ASTN2: variants seen among roughly 807,000 people sequenced by gnomAD.
ASTN2 encodes astrotactin-2.
A neutral mutation model predicts 139.8 loss-of-function variants in ASTN2; 54 were observed. The observed-to-expected ratio is 0.39, with a 90% CI of 0.31 to 0.48. ASTN2 has a LOEUF of 0.48. Ranked by LOEUF, ASTN2 falls within the 20% of genes least tolerant of loss-of-function variation. The pLI, the probability that ASTN2 is intolerant of heterozygous loss-of-function variation, is 0.95. For missense variants in ASTN2, 1,565 were observed against 1,725.1 expected (o/e 0.91, Z 1.64); for synonymous variants, 756 against 719.5 (o/e 1.05, Z -0.81).
At chr9:117,003,946 G>A (rs867938924) in intron 7 of ASTN2, among the ~76,000 whole-genome samples, 58 of 139,956 alleles carry the variant, frequency 4.1e-4, no homozygotes, top group African/African-American at 1.2e-3. Context: ...TTTCACGCGC[G>A]CGCGCGCGTG....
intron 20 of ASTN2, among the ~76,000 whole-genome samples, chr9:116,472,316 C>T (rs570806237): frequency 2.6e-5 from 4 of 152,276 alleles, no homozygotes; most frequent in Middle Eastern, 3.4e-3. Context: ...ATAACTTCCC[C>T]AGTTCTAAGT....
intron 1 of ASTN2, among the ~76,000 whole-genome samples, chr9:117,376,535 T>C (rs1830128364): frequency 6.6e-6 from 1 of 152,172 alleles, no homozygotes; most frequent in Admixed American, 6.5e-5. Context: ...AAGAAATATT[T>C]AGGGGTTAGC....
intron 3 of ASTN2, among the ~76,000 whole-genome samples, chr9:117,186,212 T>C (rs1311755429): frequency 6.6e-6 from 1 of 152,192 alleles, no homozygotes; most frequent in African/African-American, 2.4e-5. Context: ...TCACACAACT[T>C]GGCCCATATA....
intron 6 of ASTN2, among the ~76,000 whole-genome samples, chr9:117,022,673 C>A (rs1221985896): frequency 6.6e-6 from 1 of 152,106 alleles, no homozygotes; most frequent in Non-Finnish European, 1.5e-5. Context: ...CAAATTTATT[C>A]ATCCTTTGAA....
intron 5 of ASTN2, among the ~76,000 whole-genome samples, chr9:117,043,005 G>A (rs549275971): frequency 6.6e-6 from 1 of 152,058 alleles, no homozygotes; most frequent in Non-Finnish European, 1.5e-5. Flanking sequence ...CAAGTAGCTA[G>A]GGTTATAGGC....
intron 19 of ASTN2, among the ~76,000 whole-genome samples, chr9:116,501,544 G>A (rs1311881987): frequency 1.3e-5 from 2 of 152,220 alleles, no homozygotes; most frequent in East Asian, 3.9e-4. Context: ...TCGCCACACT[G>A]ACTTCCAGAA....
intron 10 of ASTN2, among the ~76,000 whole-genome samples, chr9:116,965,424 G>A (rs10817968): frequency 0.43 from 65,293 of 151,944 alleles, 14,642 homozygotes; most frequent in African/African-American, 0.55. Flanking sequence ...AGGATTTTTC[G>A]AAAGGAGACT....
chr9:116,906,168 G>A lies in ASTN2; in HGVS notation c.1890-42435C>T, dbSNP rs185174145. 7.0e-4 allele frequency among the ~76,000 whole-genome samples: 107 copies of A among 152,186 alleles called. 1 individual carries two copies. The highest frequency in any genetic ancestry group is 2.3e-3 in the African/African-American group (95 of 41,510). On this transcript the variant is annotated intron_variant, in intron 10 of 22. Transcript: ENST00000313400. ...CCCCAAAGAATTCACAGGCTCTTGG[G>A]AAGACAAGAAGCCCAAATTCACCTG...
intron 1 of ASTN2, among the ~76,000 whole-genome samples, chr9:117,326,482 G>T (rs762463334): frequency 6.6e-6 from 1 of 152,136 alleles, no homozygotes; most frequent in Non-Finnish European, 1.5e-5. Flanking sequence ...TGCAAGCAGA[G>T]ATATCGAATT....
At chr9:116,537,125 G>C (rs1851668643) in intron 19 of ASTN2, among the ~76,000 whole-genome samples, 1 of 152,204 alleles carries the variant, frequency 6.6e-6, no homozygotes, top group African/African-American at 2.4e-5. Flanking sequence ...AGCAATGAGT[G>C]AGGCTCCATG....
In ASTN2 at chr9:116,866,786, G is replaced by T. The variant is rs189334119; in HGVS notation, c.1890-3053C>A. The stretch of plus-strand genomic sequence containing the variant: ...CATGCTCCTGTAATCCCAGTTACTC[G>T]GGAGGCTGAGGCAGGAGAATTGCTT... On this transcript the variant is annotated intron_variant, in intron 10 of 22. Coordinates refer to ENST00000313400, the MANE Select transcript of ASTN2 (RefSeq NM_001365068.1). Among the ~76,000 whole-genome samples, 5 of 151,754 alleles carry T rather than the reference G, an allele frequency of 3.3e-5. No individual in the cohort carries two copies. In the East Asian group the frequency reaches 5.8e-4, roughly 18 times the overall value.
chr9:117,066,814 G>A (rs933047333), intron 5 of ASTN2, among the ~76,000 whole-genome samples: 8 of 149,496 alleles, frequency 5.4e-5, no homozygotes, highest in Non-Finnish European at 1.0e-4. Flanking sequence ...CTTTTGAGAA[G>A]TGTCTGTTCA....
intron 10 of ASTN2, among the ~76,000 whole-genome samples, chr9:116,889,094 G>T (rs1327902620): frequency 1.3e-5 from 2 of 152,142 alleles, no homozygotes; most frequent in African/African-American, 2.4e-5. Context: ...ATTTTGGCCA[G>T]GCTGGTCTTG....
At chr9:117,069,426 C>A (rs1828046475) in intron 5 of ASTN2, among the ~76,000 whole-genome samples, 1 of 104,352 alleles carries the variant, frequency 9.6e-6, no homozygotes, top group Non-Finnish European at 1.9e-5. Flanking sequence ...GCTTTACTTC[C>A]AAGTATGTGA....
At chr9:116,649,316 T>G (rs1220335936) in intron 17 of ASTN2, among the ~76,000 whole-genome samples, 1 of 152,118 alleles carries the variant, frequency 6.6e-6, no homozygotes, top group African/African-American at 2.4e-5. Flanking sequence ...CTCTTGCCTG[T>G]AATCCCAGCA....
chr9:116,822,700 C>T (rs568432875), intron 11 of ASTN2, among the ~76,000 whole-genome samples: 22 of 152,126 alleles, frequency 1.4e-4, no homozygotes, highest in Non-Finnish European at 2.5e-4. Context: ...TTTATCTAAG[C>T]GCTTTACCCG....
At chr9:117,008,440 A>C (rs761340171) in intron 6 of ASTN2, among the ~76,000 whole-genome samples, 181 bp from the exon 7 acceptor site, 2 of 152,180 alleles carry the variant, frequency 1.3e-5, no homozygotes, top group Non-Finnish European at 2.9e-5. Flanking sequence ...GAGGCAAATC[A>C]AACATGGGAG....
chr9:116,464,917 G>C (rs73655124), intron 20 of ASTN2, among the ~76,000 whole-genome samples: 2,690 of 152,272 alleles, frequency 0.018, 89 homozygotes, highest in African/African-American at 0.063. Flanking sequence ...TAAGAAACTT[G>C]CAAAGAAGGT....
chr9:116,948,079 A>T (rs1038494225), intron 10 of ASTN2, among the ~76,000 whole-genome samples: 1 of 152,208 alleles, frequency 6.6e-6, no homozygotes, highest in Non-Finnish European at 1.5e-5. Context: ...GGAATATCAC[A>T]TAAGTCATGA....
Sources: gnomAD v4.1 joint callset for allele counts (sites outside exome capture counted in the v4.1 genomes callset) on GRCh38, gnomAD v4.1.1 for gene constraint, MANE v1.5 for transcripts, NCBI Gene and HGNC (gene_info 2026-07-23, HGNC 2026-07-21) for gene names.